CNIH3: variants seen among roughly 807,000 people sequenced by gnomAD.
CNIH3 encodes the protein cornichon family AMPA receptor auxiliary protein 3.
CNIH3 carries 14 observed loss-of-function variants against 24.1 expected under a neutral mutation model. The ratio of observed to expected loss-of-function variants is 0.58; its 90% CI spans 0.38 to 0.91. The LOEUF (loss-of-function observed/expected upper bound fraction) is 0.91. Among genes scored for constraint, CNIH3 ranks in the 40% least tolerant of loss-of-function variants. The pLI is 0.00. For synonymous variants in CNIH3, 68 were observed against 73.8 expected (o/e 0.92, Z 0.40); for missense variants, 178 against 196.8 (o/e 0.90, Z 0.57).
chr1:224,500,118 C>A (rs1389911259), intron 1 of CNIH3, among the ~76,000 whole-genome samples: 1 of 151,678 alleles, frequency 6.6e-6, no homozygotes, highest in East Asian at 2.0e-4. Context: ...ATCCTCCCAC[C>A]TCAGCCTCCT....
intron 3 of CNIH3, among the ~76,000 whole-genome samples, chr1:224,716,141 G>A (rs1688417241): frequency 6.6e-6 from 1 of 152,030 alleles, no homozygotes. Context: ...ATCACATTCT[G>A]CCCCTAACTA....
intron 4 of CNIH3, among the ~76,000 whole-genome samples, chr1:224,576,223 T>A (rs994796668): frequency 3.3e-5 from 5 of 152,260 alleles, no homozygotes; most frequent in Admixed American, 6.5e-5. Context: ...TTTTAAAGTG[T>A]GGCTTTTATC....
At chr1:224,602,402 C>T (rs1414225235) in intron 3 of CNIH3, among the ~76,000 whole-genome samples, 1 of 152,154 alleles carries the variant, frequency 6.6e-6, no homozygotes. Context: ...GTCCAATTTA[C>T]ATTTTTTCTT....
At chr1:224,640,720 G>A (rs1398314216) in intron 1 of CNIH3, among the ~76,000 whole-genome samples, 1 of 152,210 alleles carries the variant, frequency 6.6e-6, no homozygotes, top group African/African-American at 2.4e-5. Flanking sequence ...AACTGGTGGG[G>A]TGTCATGGCA....
At chr1:224,609,251 G>T (rs1438137277) in intron 3 of CNIH3, among the ~76,000 whole-genome samples, 3 of 152,322 alleles carry the variant, frequency 2.0e-5, no homozygotes, top group Non-Finnish European at 4.4e-5. Flanking sequence ...GCACAAAAAT[G>T]CTAACAGTTG....
intron 1 of CNIH3, among the ~76,000 whole-genome samples, chr1:224,508,040 G>C (rs906728526): frequency 3.3e-4 from 50 of 152,246 alleles, no homozygotes; most frequent in Middle Eastern, 3.2e-3. Flanking sequence ...TGCCATGCCA[G>C]AGTAGTGAAT....
At chr1:224,463,424 T>TC (rs1391450594) in intron 1 of CNIH3, among the ~76,000 whole-genome samples, 1 of 152,084 alleles carries the variant, frequency 6.6e-6, no homozygotes, top group Non-Finnish European at 1.5e-5. Flanking sequence ...CTTTTTTTTT[T>TC]TGAGGCGGAG....
chr1:224,461,258 C>T (rs1675902359), intron 1 of CNIH3, among the ~76,000 whole-genome samples: 2 of 152,130 alleles, frequency 1.3e-5, no homozygotes, highest in African/African-American at 4.8e-5. Context: ...CCACCTTTGC[C>T]TCCCAAAGTG....
intron 1 of CNIH3, among the ~76,000 whole-genome samples, chr1:224,457,313 G>A (rs938672643): frequency 6.6e-6 from 1 of 150,980 alleles, no homozygotes; most frequent in African/African-American, 2.4e-5. Context: ...GTGTGTGTGT[G>A]TGTGTCCGTG....
intron 1 of CNIH3, among the ~76,000 whole-genome samples, chr1:224,671,055 T>G (rs1685841167): frequency 2.0e-5 from 3 of 152,244 alleles, no homozygotes; most frequent in Admixed American, 2.0e-4. Flanking sequence ...GCAGACGGCC[T>G]TTGGACTTGA....
At chr1:224,529,939 C>T (rs1412560952) in intron 2 of CNIH3, among the ~76,000 whole-genome samples, 3 of 152,108 alleles carry the variant, frequency 2.0e-5, no homozygotes, top group Non-Finnish European at 4.4e-5. Context: ...ACTTTTTGGC[C>T]AACATGGACC....
chr1:224,501,642 G>A (rs1018411348), intron 1 of CNIH3, among the ~76,000 whole-genome samples: 5 of 151,000 alleles, frequency 3.3e-5, no homozygotes, highest in African/African-American at 9.8e-5. Flanking sequence ...GTGCAGTGGC[G>A]CGATCTCGGC....
At chr1:224,515,223 CAGTGAAA>C (rs1243024656), upstream of CNIH3, among the ~76,000 whole-genome samples, 1 of 152,194 alleles carries the variant, frequency 6.6e-6, no homozygotes, top group African/African-American at 2.4e-5. Context: ...CACTCTTTAG[CAGTGAAA>C]AGTGTTGAGT....
At chr1:224,486,515 G>T in intron 1 of CNIH3, among the ~76,000 whole-genome samples, 1 of 152,134 alleles carries the variant, frequency 6.6e-6, no homozygotes, top group African/African-American at 2.4e-5. Flanking sequence ...TATATTCCTT[G>T]AATGTAATCA....
chr1:224,687,324 T>C (rs1297547976), intron 3 of CNIH3, among the ~76,000 whole-genome samples: 1 of 152,212 alleles, frequency 6.6e-6, no homozygotes, highest in Non-Finnish European at 1.5e-5. Context: ...CTTGAACTCC[T>C]TGGGCTCAAG....
At chr1:224,709,981 TATTA>T (rs757423085) in intron 3 of CNIH3, among the ~76,000 whole-genome samples, 62 of 152,324 alleles carry the variant, frequency 4.1e-4, no homozygotes, top group African/African-American at 6.3e-4. Flanking sequence ...AGATTAACTT[TATTA>T]ATTATCTTTA....
chr1:224,560,846 G>C (rs1438900601), intron 3 of CNIH3, among the ~76,000 whole-genome samples: 1 of 152,020 alleles, frequency 6.6e-6, no homozygotes, highest in Admixed American at 6.6e-5. Context: ...CATTCCCCTG[G>C]GTCTGTGGGA....
intron 5 of CNIH3, among the ~76,000 whole-genome samples, chr1:224,584,261 A>G (rs1681401635): frequency 6.6e-6 from 1 of 152,216 alleles, no homozygotes; most frequent in East Asian, 1.9e-4. Flanking sequence ...AGAAATTTTC[A>G]AGTTTCTATT....
intron 3 of CNIH3, among the ~76,000 whole-genome samples, chr1:224,603,715 GA>G (rs1682299894): frequency 6.6e-6 from 1 of 152,100 alleles, no homozygotes; most frequent in Non-Finnish European, 1.5e-5. Context: ...TTGTATTGAA[GA>G]AATAAAAAGC....
Sources: gnomAD v4.1 joint callset for allele counts (sites outside exome capture counted in the v4.1 genomes callset) on GRCh38, gnomAD v4.1.1 for gene constraint, MANE v1.5 for transcripts, NCBI Gene and HGNC (gene_info 2026-07-23, HGNC 2026-07-21) for gene names.